CACNG2: variants seen among roughly 807,000 people sequenced by gnomAD.
The protein encoded by CACNG2 is voltage-dependent calcium channel gamma-2 subunit.
In CACNG2, 3 loss-of-function variants were observed where a neutral mutation model predicts 25.9. The ratio of observed to expected loss-of-function variants is 0.12; its 90% confidence interval spans 0.05 to 0.30. The LOEUF is 0.30. CACNG2 is among the 10% of genes least tolerant of loss of function. The pLI is 1.00. For synonymous variants in CACNG2, 167 were observed against 173.3 expected (o/e 0.96, Z 0.29); for missense variants, 341 against 432.5 (o/e 0.79, Z 1.88).
chr22:36,645,816 C>T (rs535345356), intron 1 of CACNG2, among the ~76,000 whole-genome samples: 5 of 152,238 alleles, frequency 3.3e-5, no homozygotes, highest in African/African-American at 1.2e-4. Context: ...ATTCAACTTC[C>T]ATTTCCATAA....
chr22:36,654,696 A>AT (rs1375383971), intron 1 of CACNG2, among the ~76,000 whole-genome samples: 1 of 152,224 alleles, frequency 6.6e-6, no homozygotes, highest in Non-Finnish European at 1.5e-5. Context: ...CTTCAGACGC[A>AT]TAAAAAAAAG....
intron 1 of CACNG2, among the ~76,000 whole-genome samples, chr22:36,636,436 C>T (rs1259780882): frequency 1.3e-5 from 2 of 152,170 alleles, no homozygotes; most frequent in Non-Finnish European, 2.9e-5. Flanking sequence ...CTGTGGCATA[C>T]ACACAACCTG....
At chr22:36,630,432 T>C (rs1452174988) in intron 1 of CACNG2, among the ~76,000 whole-genome samples, 1 of 152,136 alleles carries the variant, frequency 6.6e-6, no homozygotes, top group Non-Finnish European at 1.5e-5. Context: ...AGATGGATGG[T>C]GACCATTTAT....
intron 1 of CACNG2, among the ~76,000 whole-genome samples, chr22:36,608,913 G>A (rs1353710034): frequency 6.6e-6 from 1 of 152,106 alleles, no homozygotes; most frequent in Non-Finnish European, 1.5e-5. Context: ...TATTGTTGTT[G>A]TTATCACAGG....
chr22:36,681,717 A>C (rs1253178614), intron 1 of CACNG2, among the ~76,000 whole-genome samples: 1 of 152,174 alleles, frequency 6.6e-6, no homozygotes, highest in Non-Finnish European at 1.5e-5. Flanking sequence ...CTGCACCACC[A>C]ATGACCAACC....
rs186733895 is a variant in CACNG2, at chr22:36,663,854, A to G, written c.211+38512T>C. Among the ~76,000 whole-genome samples the G allele has an allele frequency of 1.4e-4, 21 of 152,298 alleles. No individual in the cohort carries two copies. In the East Asian group the frequency reaches 3.5e-3, roughly 25 times the overall value. ...AGGGAAATTCAGGACACAGGCCTCGATCACATGGGCCTGTTTCTAACCAAG... is the reference window on the plus strand; with the variant it reads ...AGGGAAATTCAGGACACAGGCCTCGGTCACATGGGCCTGTTTCTAACCAAG... On this transcript the variant is annotated intron_variant, in intron 1 of 3. Coordinates refer to ENST00000300105, the MANE Select transcript of CACNG2 (RefSeq NM_006078.5).
intron 1 of CACNG2, among the ~76,000 whole-genome samples, chr22:36,627,642 A>AT (rs5845278): frequency 0.042 from 5,870 of 141,270 alleles, 267 homozygotes; most frequent in African/African-American, 0.11. Flanking sequence ...AATGACTTTG[A>AT]TTTTTTTTTT....
intron 1 of CACNG2, among the ~76,000 whole-genome samples, chr22:36,615,414 A>C (rs1936007498): frequency 6.6e-6 from 1 of 152,138 alleles, no homozygotes; most frequent in African/African-American, 2.4e-5. Flanking sequence ...GCTCAGCCAC[A>C]CTGGATTCCT....
chr22:36,592,147 A>T (rs1005395110), intron 1 of CACNG2, among the ~76,000 whole-genome samples: 1 of 144,186 alleles, frequency 6.9e-6, no homozygotes, highest in Admixed American at 7.3e-5. Flanking sequence ...AGAGGGTGGA[A>T]TGGGAGGGAT....
At chr22:36,683,860 G>A (rs976138971) in intron 1 of CACNG2, among the ~76,000 whole-genome samples, 5 of 152,026 alleles carry the variant, frequency 3.3e-5, no homozygotes, top group African/African-American at 9.7e-5. Flanking sequence ...TCCACCCCCC[G>A]CGACCCCTGG....
At chr22:36,611,357 T>C (rs1935936161) in intron 1 of CACNG2, among the ~76,000 whole-genome samples, 1 of 152,170 alleles carries the variant, frequency 6.6e-6, no homozygotes, top group African/African-American at 2.4e-5. Flanking sequence ...ATGATGCAAA[T>C]GAACCTGACC....
At position 36,594,835 on chromosome 22, in the gene CACNG2, T is replaced by G. The variant is rs576033611; in HGVS notation, c.212-7287A>C. 8.5e-3 allele frequency among the ~76,000 whole-genome samples: 1,264 copies of G among 148,084 alleles called. 7 individuals carry two copies. Among genetic ancestry groups the G allele is most frequent in the Non-Finnish European group, 0.014 (932 of 67,252 alleles). ...GTGTGTCTGTGTGTGTACATCGGTG[T>G]GTGTGTGTGCATGTGTGTGTGTGTG... On this transcript the variant is annotated intron_variant, in intron 1 of 3. Transcript: ENST00000300105.
chr22:36,623,016 T>G (rs1435890047), intron 1 of CACNG2, among the ~76,000 whole-genome samples: 1 of 134,046 alleles, frequency 7.5e-6, no homozygotes, highest in African/African-American at 2.8e-5. Flanking sequence ...ACATGGGTTT[T>G]TTTTTTTTTT....
intron 1 of CACNG2, among the ~76,000 whole-genome samples, chr22:36,602,551 A>G (rs1356550983): frequency 6.6e-6 from 1 of 151,568 alleles, no homozygotes; most frequent in East Asian, 1.9e-4. Context: ...ACGCCCAGCT[A>G]ATTTTTGTAT....
intron 2 of CACNG2, among the ~76,000 whole-genome samples, chr22:36,568,489 C>A (rs917397053): frequency 6.6e-5 from 10 of 151,880 alleles, no homozygotes; most frequent in African/African-American, 2.4e-4. Flanking sequence ...ACTGCAGCCT[C>A]CACCTCCCAG....
chr22:36,692,111 C>T (rs1024836128), intron 1 of CACNG2, among the ~76,000 whole-genome samples: 3 of 152,186 alleles, frequency 2.0e-5, no homozygotes, highest in Non-Finnish European at 4.4e-5. Flanking sequence ...AGTGGCTGGT[C>T]TCCAGTGAGT....
chr22:36,600,642 G>A (rs1302775282), intron 1 of CACNG2, among the ~76,000 whole-genome samples: 1 of 151,670 alleles, frequency 6.6e-6, no homozygotes, highest in East Asian at 1.9e-4. Flanking sequence ...TGCCTCCCGA[G>A]TTCAAGCGAT....
chr22:36,575,914 C>T (rs774591068), intron 2 of CACNG2, among the ~76,000 whole-genome samples: 10 of 152,186 alleles, frequency 6.6e-5, no homozygotes, highest in African/African-American at 2.2e-4. Context: ...AGGATCAATC[C>T]GCATTAGGGG....
At chr22:36,639,200 A>G (rs778235181) in intron 1 of CACNG2, among the ~76,000 whole-genome samples, 3 of 152,238 alleles carry the variant, frequency 2.0e-5, no homozygotes, top group Non-Finnish European at 4.4e-5. Context: ...GGAGCCAACA[A>G]CACCCATCTT....
Sources: gnomAD v4.1 joint callset for allele counts (sites outside exome capture counted in the v4.1 genomes callset) on GRCh38, gnomAD v4.1.1 for gene constraint, MANE v1.5 for transcripts, NCBI Gene and HGNC (gene_info 2026-07-23, HGNC 2026-07-21) for gene names.